Variants in CHCHD3 observed in about 807,000 individuals in gnomAD.
CHCHD3 encodes the protein coiled-coil-helix-coiled-coil-helix domain containing 3, also known as MICOS complex subunit MIC19.
Under a neutral mutation model 38.2 loss-of-function variants are expected in CHCHD3, and 20 were observed. That is an observed-to-expected ratio of 0.52 (90% CI 0.37 to 0.76). The LOEUF is 0.76. CHCHD3 is among the 30% of genes least tolerant of loss of function. The pLI is 0.00. For synonymous variants in CHCHD3, 82 were observed against 100.0 expected (o/e 0.82, Z 1.07); for missense variants, 245 against 279.2 (o/e 0.88, Z 0.87).
At chr7:132,986,888 A>C (rs2117361437) in intron 3 of CHCHD3, among the ~76,000 whole-genome samples, 1 of 152,300 alleles carries the variant, frequency 6.6e-6, no homozygotes, top group Middle Eastern at 3.4e-3. Context: ...TTATCTATAG[A>C]GCTGCTAACC....
intron 5 of CHCHD3, among the ~76,000 whole-genome samples, chr7:132,872,914 C>A (rs1438951592): frequency 6.6e-6 from 1 of 151,918 alleles, no homozygotes; most frequent in African/African-American, 2.4e-5. Flanking sequence ...ATCAGCCGGG[C>A]AGACATGGTG....
At chr7:133,065,578 T>C (rs901644942) in intron 2 of CHCHD3, among the ~76,000 whole-genome samples, 18 of 152,232 alleles carry the variant, frequency 1.2e-4, no homozygotes, top group African/African-American at 4.3e-4. Context: ...ACATTTAATA[T>C]ATAATTTACT....
chr7:132,887,310 GTA>G (rs1809242248), intron 4 of CHCHD3, among the ~76,000 whole-genome samples: 1 of 151,534 alleles, frequency 6.6e-6, no homozygotes, highest in Non-Finnish European at 1.5e-5. Context: ...GTACAACATA[GTA>G]AAAATTTTAT....
At chr7:132,886,615 T>C (rs1293917480) in intron 4 of CHCHD3, among the ~76,000 whole-genome samples, 1 of 151,558 alleles carries the variant, frequency 6.6e-6, no homozygotes. Flanking sequence ...CTACAACTTA[T>C]AAGAAAGTGT....
chr7:132,920,917 C>T (rs1272221926), intron 4 of CHCHD3, among the ~76,000 whole-genome samples: 2 of 152,008 alleles, frequency 1.3e-5, no homozygotes, highest in Non-Finnish European at 2.9e-5. Context: ...GACAGCTCGG[C>T]TTCTTTGTTG....
intron 5 of CHCHD3, among the ~76,000 whole-genome samples, chr7:132,860,628 T>C (rs1808466398): frequency 1.3e-5 from 2 of 151,986 alleles, no homozygotes; most frequent in Non-Finnish European, 2.9e-5. Flanking sequence ...ATAATCTGAC[T>C]CAAGCTTTTT....
intron 4 of CHCHD3, among the ~76,000 whole-genome samples, chr7:132,888,907 C>T (rs1452035856): frequency 6.6e-6 from 1 of 151,848 alleles, no homozygotes; most frequent in Non-Finnish European, 1.5e-5. Context: ...AGGTTGAGTA[C>T]TTGTTTATAT....
intron 3 of CHCHD3, among the ~76,000 whole-genome samples, chr7:132,977,578 C>G (rs1184617884): frequency 6.6e-6 from 1 of 152,112 alleles, no homozygotes; most frequent in Non-Finnish European, 1.5e-5. Flanking sequence ...GAGGTGGAAA[C>G]TAAAATAAAA....
chr7:132,870,222 T>C (rs1407667079), intron 5 of CHCHD3, among the ~76,000 whole-genome samples: 1 of 151,822 alleles, frequency 6.6e-6, no homozygotes, highest in Non-Finnish European at 1.5e-5. Context: ...TGATGGCACG[T>C]GCATGTAGTC....
chr7:132,812,390 G>A (rs1226963318), intron 6 of CHCHD3, among the ~76,000 whole-genome samples: 1 of 151,566 alleles, frequency 6.6e-6, no homozygotes, highest in Non-Finnish European at 1.5e-5. Flanking sequence ...TGTATTTTCA[G>A]TAGAGATGGG....
At chr7:133,022,616 A>G (rs1179767384) in intron 3 of CHCHD3, 2 of 167,918 alleles carry the variant, frequency 1.2e-5, no homozygotes, top group Admixed American at 1.1e-4. Flanking sequence ...GGCTTCAAAC[A>G]AAACTTTTTT....
At chr7:132,801,621 G>T (rs973769659) in intron 6 of CHCHD3, among the ~76,000 whole-genome samples, 6 of 152,180 alleles carry the variant, frequency 3.9e-5, no homozygotes, top group African/African-American at 1.2e-4. Flanking sequence ...ACCTAGCTCA[G>T]TACTTAGCTC....
chr7:132,916,660 G>A (rs1423564141), intron 4 of CHCHD3, among the ~76,000 whole-genome samples: 1 of 152,094 alleles, frequency 6.6e-6, no homozygotes, highest in Non-Finnish European at 1.5e-5. Context: ...GGCTTACTGT[G>A]GCCTCAACCT....
At chr7:132,997,659 T>TAAAAAAAAAAAAAAAAAAAAAAAA (rs71178073) in intron 3 of CHCHD3, among the ~76,000 whole-genome samples, 2 of 81,742 alleles carry the variant, frequency 2.4e-5, no homozygotes, top group African/African-American at 9.6e-5. Flanking sequence ...AACAGGGTTG[T>TAAAAAAAAAAAAAAAAAAAAAAAA]AAAAAAAAAA....
chr7:132,994,865 T>C (rs779307876), intron 3 of CHCHD3, among the ~76,000 whole-genome samples: 1 of 152,194 alleles, frequency 6.6e-6, no homozygotes, highest in African/African-American at 2.4e-5. Context: ...CACCTTGGCA[T>C]ACACAGAGAG....
At chr7:132,844,581 G>A (rs1299275379) in intron 5 of CHCHD3, among the ~76,000 whole-genome samples, 1 of 152,208 alleles carries the variant, frequency 6.6e-6, no homozygotes, top group Non-Finnish European at 1.5e-5. Flanking sequence ...TATCAAAGGT[G>A]TGATTTAATA....
chr7:133,067,917 C>T (rs527564689), intron 2 of CHCHD3, among the ~76,000 whole-genome samples: 43 of 152,186 alleles, frequency 2.8e-4, no homozygotes, highest in South Asian at 6.2e-4. Flanking sequence ...GAGATTTAGA[C>T]CATCCTGGCT....
intron 6 of CHCHD3, among the ~76,000 whole-genome samples, chr7:132,829,073 A>G (rs1807575257): frequency 6.6e-6 from 1 of 152,186 alleles, no homozygotes. Flanking sequence ...AACGCAAAAT[A>G]TGTTTTCTTA....
rs1020361767 is a variant in CHCHD3 at position 132,971,745 on chromosome 7, AAC to A, written c.369+3422_369+3423del. On this transcript the variant is annotated intron_variant, in intron 4 of 7. Coordinates refer to ENST00000262570, the MANE Select transcript of CHCHD3 (RefSeq NM_017812.4). ...CTTTTTAATTACTTCACATGTGTGA[AAC>A]ACAATCTTTACTTTCCTGCAGACTG... Among the ~76,000 whole-genome samples the A allele has an allele frequency of 1.5e-3, 232 of 152,348 alleles. 1 individual carries two copies. Among genetic ancestry groups the A allele is most frequent in the African/African-American group, 5.3e-3 (221 of 41,576 alleles).
Sources: allele counts gnomAD v4.1 joint callset (sites outside exome capture counted in the v4.1 genomes callset), GRCh38; gene constraint gnomAD v4.1.1; transcripts MANE v1.5; gene names NCBI Gene and HGNC (gene_info 2026-07-23, HGNC 2026-07-21).